The following ADAMTS16 variants were observed in gnomAD, a reference collection of about 807,000 sequenced individuals.
ADAMTS16 encodes the protein ADAM metallopeptidase with thrombospondin type 1 motif 16, also known as A disintegrin and metalloproteinase with thrombospondin motifs 16.
A neutral mutation model predicts 145.8 loss-of-function variants in ADAMTS16; 94 were observed. That is an observed-to-expected ratio of 0.64 (90% CI 0.55 to 0.77). The LOEUF is 0.77. ADAMTS16 is among the 30% of genes least tolerant of loss of function. The probability of loss-of-function intolerance (pLI) is 0.00; values close to 1 mark genes in which losing one functional copy is unlikely to be tolerated. For synonymous variants in ADAMTS16, 659 were observed against 604.3 expected, an observed-to-expected ratio of 1.09 and a Z score of -1.33; for missense variants, 1,585 against 1,591.5, an observed-to-expected ratio of 1.00 and a Z score of 0.07.
intron 9 of ADAMTS16, 35 bp from the exon 10 acceptor site, chr5:5,209,058 G>A: frequency 3.8e-6 from 6 of 1,598,796 alleles, no homozygotes; most frequent in Non-Finnish European, 5.1e-6. Flanking sequence ...TACTCTACGG[G>A]CAGTTACTAG....
rs1207309946 is a variant in ADAMTS16, at chr5:5,318,291, T to C, written c.3559+10T>C. ...ATTGCAGAGAAGAAAGGTGAGTACA[T>C]GGGGCCCCTCAGCATGACCTGGGCA... On this transcript the variant is annotated intron_variant, in intron 22 of 22. Transcript: ENST00000274181. 4.9e-6 allele frequency: 7 copies of C among 1,433,020 alleles called. No individual in the cohort carries two copies. The highest frequency in any genetic ancestry group is 4.8e-5 in the South Asian group (3 of 62,082). 88.8% of individuals were successfully genotyped at this position (1,433,020 alleles called of 1,614,324 possible). A position where few individuals can be genotyped will look rare whatever the true frequency, so the allele number is the denominator to read the frequency against.
At chr5:5,271,433 C>T (rs1039233102) in intron 18 of ADAMTS16, among the ~76,000 whole-genome samples, 3 of 152,270 alleles carry the variant, frequency 2.0e-5, no homozygotes, top group Non-Finnish European at 4.4e-5. Flanking sequence ...CACGGAGGCT[C>T]CTCCCTGCGC....
In ADAMTS16 at chr5:5,242,116, G is replaced by A. The variant is rs35394775; in HGVS notation, c.2587G>A (p.Glu863Lys). 641 of 1,614,166 alleles carry A rather than the reference G, an allele frequency of 4.0e-4. 2 individuals carry two copies. In the African/African-American group the frequency reaches 7.1e-3, roughly 18 times the overall value. ...WEYSMPRLGT[E>K]KQPPAQPSYT... ...ATACTCCATGCCTCGCTTGGGGACC[G>A]AGAAGCAGCCCCCTGCCCAGCCCAG... is the stretch of plus-strand genomic sequence containing the variant. Residue 863 changes from glutamate (E) to lysine (K), a missense_variant, in exon 17 of 23, where the codon GAG becomes AAG. Physicochemically the swap from Glu to Lys is moderately conservative, Grantham distance 56. Around this residue, in one of 3 missense-constraint regions of ADAMTS16, gnomAD observed 834 missense variants for 811.7 expected, o/e 1.03. Transcript: ENST00000274181.
At chr5:5,191,424 C>T (rs12515050) in intron 7 of ADAMTS16, among the ~76,000 whole-genome samples, 23,969 of 151,920 alleles carry the variant, frequency 0.16, 2,090 homozygotes, top group Middle Eastern at 0.21. Flanking sequence ...GAGTCACGCC[C>T]CAATTAGAGC....
chr5:5,309,519 C>G (rs1240282392), intron 21 of ADAMTS16, among the ~76,000 whole-genome samples: 1 of 152,116 alleles, frequency 6.6e-6, no homozygotes, highest in Non-Finnish European at 1.5e-5. Flanking sequence ...AAGGCAAATT[C>G]AATGAGCGGG....
At position 5,209,097 on chromosome 5, in the gene ADAMTS16, G is replaced by T; in HGVS notation, c.1456G>T (p.Ala486Ser). 6.2e-7 allele frequency: 1 copy of T among 1,612,608 alleles called. No individual in the cohort carries two copies. The highest frequency in any genetic ancestry group is 8.5e-7 in the Non-Finnish European group (1 of 1,179,184). Residue 486 changes from alanine to serine, a missense_variant, in exon 10 of 23, where the codon GCT becomes TCT. Ala to Ser is a moderately conservative substitution (Grantham distance 99). Coordinates refer to ENST00000274181, the MANE Select transcript of ADAMTS16 (RefSeq NM_139056.4). ...RQYLHKFLST[A>S]QAICLADQPK... ...CTCATCTCCTCTTTGTTTCAGCACC[G>T]CTCAAGCTATCTGCCTTGCTGATCA...
chr5:5,243,198 A>G (rs1737348343), intron 17 of ADAMTS16, among the ~76,000 whole-genome samples: 1 of 152,252 alleles, frequency 6.6e-6, no homozygotes, highest in Non-Finnish European at 1.5e-5. Flanking sequence ...TGTGCTTGAC[A>G]TATGTTCATT....
At chr5:5,229,304 CAAAAAAAAA>C (rs1195176050) in intron 11 of ADAMTS16, among the ~76,000 whole-genome samples, 9 of 75,524 alleles carry the variant, frequency 1.2e-4, no homozygotes, top group South Asian at 5.2e-4. Flanking sequence ...GACTCCGTCT[CAAAAAAAAA>C]AAAAAAAAAA....
chr5:5,318,622 C>T (rs1283207851), intron 22 of ADAMTS16, among the ~76,000 whole-genome samples: 1 of 152,164 alleles, frequency 6.6e-6, no homozygotes, highest in East Asian at 1.9e-4. Flanking sequence ...AAATGCCATC[C>T]CTGTGCACAC....
chr5:5,265,083 C>T (rs1579356140), intron 18 of ADAMTS16, among the ~76,000 whole-genome samples: 2 of 152,208 alleles, frequency 1.3e-5, no homozygotes, highest in Non-Finnish European at 2.9e-5. Context: ...ACACCCTCAT[C>T]GTTTAGGAAA....
intron 21 of ADAMTS16, among the ~76,000 whole-genome samples, chr5:5,314,867 C>T (rs1242800231): frequency 6.6e-6 from 1 of 152,192 alleles, no homozygotes; most frequent in African/African-American, 2.4e-5. Flanking sequence ...CCAAGAACCT[C>T]ACTGTGAGTA....
intron 9 of ADAMTS16, 41 bp from the exon 10 acceptor site, chr5:5,209,052 C>T (rs750339036): frequency 3.8e-6 from 6 of 1,593,938 alleles, no homozygotes; most frequent in Non-Finnish European, 5.1e-6. Context: ...TTTGGTTACT[C>T]TACGGGCAGT....
rs1740380946 is a variant in ADAMTS16, at chr5:5,310,544, G to A, written c.3411+3816G>A. On this transcript the variant is annotated intron_variant, in intron 21 of 22. Coordinates refer to ENST00000274181, the MANE Select transcript of ADAMTS16 (RefSeq NM_139056.4). This position sits in a 1 kb window ranked among gnomAD's most constrained non-coding sequence, Gnocchi z 4.3. The stretch of plus-strand genomic sequence containing the variant: ...GGCTGTCCTCGTGAGAAGACCACAG[G>A]AAGACACAGAGACTCCTCACATGGG... Among the ~76,000 whole-genome samples the A allele has an allele frequency of 6.6e-6, 1 of 152,186 alleles. No homozygotes were observed. Among genetic ancestry groups the A allele is most frequent in the African/African-American group, 2.4e-5 (1 of 41,450 alleles).
chr5:5,239,953 C>T lies in ADAMTS16; in HGVS notation c.2523+28C>T, dbSNP rs755622457. On this transcript the variant is annotated intron_variant, in intron 16 of 22. Coordinates refer to ENST00000274181, the MANE Select transcript of ADAMTS16 (RefSeq NM_139056.4). ...AAAGTCCAGCCTCTTGATTTTGGGGCTTGGATTTTGGGGGTGTTCTGGTGT... is the reference window on the plus strand; with the variant it reads ...AAAGTCCAGCCTCTTGATTTTGGGGTTTGGATTTTGGGGGTGTTCTGGTGT... 3.1e-6 allele frequency: 5 copies of T among 1,609,720 alleles called. No individual in the cohort carries two copies. The Admixed American group carries it at 8.4e-5, about 27-fold the overall frequency.
chr5:5,216,227 A>G (rs1157937733), intron 10 of ADAMTS16, among the ~76,000 whole-genome samples: 4 of 151,970 alleles, frequency 2.6e-5, no homozygotes, highest in Non-Finnish European at 5.9e-5. Context: ...TTTTTTAGTT[A>G]TGGCCATTCT....
At chr5:5,273,758 G>A (rs1024204905) in intron 18 of ADAMTS16, among the ~76,000 whole-genome samples, 3 of 152,180 alleles carry the variant, frequency 2.0e-5, no homozygotes, top group South Asian at 2.1e-4. Context: ...GCCTGCATAC[G>A]TCTCTAATGA....
At chr5:5,289,054 T>C (rs1405841126) in intron 18 of ADAMTS16, among the ~76,000 whole-genome samples, 1 of 152,240 alleles carries the variant, frequency 6.6e-6, no homozygotes, top group African/African-American at 2.4e-5. Flanking sequence ...GAACTGGTCA[T>C]GAGAGTCCAG....
intron 8 of ADAMTS16, among the ~76,000 whole-genome samples, chr5:5,197,441 G>A (rs1735836205): frequency 6.6e-6 from 1 of 152,162 alleles, no homozygotes; most frequent in Non-Finnish European, 1.5e-5. Flanking sequence ...TAACAAACAC[G>A]AATAGAAACC....
At chr5:5,302,938 A>G (rs998580408) in intron 18 of ADAMTS16, among the ~76,000 whole-genome samples, 2 of 149,480 alleles carry the variant, frequency 1.3e-5, no homozygotes, top group African/African-American at 4.9e-5. Context: ...GAGGTGTTTT[A>G]TTTTTTATAT....
Sources: allele counts gnomAD v4.1 joint callset (sites outside exome capture counted in the v4.1 genomes callset), GRCh38; gene constraint gnomAD v4.1.1; regional missense constraint gnomAD v4.1.1; non-coding constraint Gnocchi (gnomAD v3.1); transcripts MANE v1.5; gene names NCBI Gene and HGNC (gene_info 2026-07-23, HGNC 2026-07-21).